Variants in AKR1C3 observed in about 807,000 individuals in gnomAD.
AKR1C3 encodes 3-alpha hydroxysteroid dehydrogenase, type II.
In AKR1C3, 48 loss-of-function variants were observed where a neutral mutation model predicts 43.6. The ratio of observed to expected loss-of-function variants is 1.10; its 90% CI spans 0.87 to 1.40. AKR1C3 has a LOEUF of 1.40. Among genes scored for constraint, AKR1C3 ranks in the 40% most tolerant of loss-of-function variants. The pLI, the probability that AKR1C3 is intolerant of heterozygous loss-of-function variation, is 0.00. For synonymous variants in AKR1C3, 162 were observed against 139.6 expected (o/e 1.16, Z -1.13); for missense variants, 482 against 391.2 (o/e 1.23, Z -1.96).
At chr10:5,076,516 A>G (rs1838717695) in intron 1 of AKR1C3, among the ~76,000 whole-genome samples, 1 of 152,140 alleles carries the variant, frequency 6.6e-6, no homozygotes, top group Admixed American at 6.5e-5. Context: ...CTAAGACACT[A>G]CTTTATAAAA....
At chr10:5,103,652 C>G (rs1312489002) in intron 7 of AKR1C3, among the ~76,000 whole-genome samples, 2 of 152,190 alleles carry the variant, frequency 1.3e-5, no homozygotes, top group African/African-American at 4.8e-5. Context: ...CCAGCCCAGA[C>G]TTCACCTCAG....
intron 1 of AKR1C3, among the ~76,000 whole-genome samples, chr10:5,068,509 CAAA>C (rs74260861): frequency 1.7e-5 from 1 of 59,496 alleles, no homozygotes; most frequent in Non-Finnish European, 3.3e-5. Context: ...AACCTTTTAC[CAAA>C]AAAAAAAAAA....
Position 5,097,499 on chromosome 10 carries a change from T to C in AKR1C3, c.318T>C (p.Ala106=), listed in dbSNP as rs1176923035. 7 of 1,613,722 alleles carry C rather than the reference T, an allele frequency of 4.3e-6. No individual in the cohort carries two copies. Among genetic ancestry groups the C allele is most frequent in the African/African-American group, 1.3e-5 (1 of 74,890 alleles). The change falls in exon 3 of 9, where the codon GCT becomes GCC. Residue 106 remains alanine, a synonymous_variant. Transcript: ENST00000380554. ...CCTTGGAAAACTCACTGAAGAAAGC[T>C]CAATTGGACTATGTTGACCTCTATC... ...RPALENSLKK[A]QLDYVDLYLI...
chr10:5,073,806 C>T (rs1421887418), intron 1 of AKR1C3, among the ~76,000 whole-genome samples: 1 of 152,168 alleles, frequency 6.6e-6, no homozygotes, highest in Non-Finnish European at 1.5e-5. Flanking sequence ...TCCTTGACCT[C>T]ACCCTGTTCT....
At chr10:5,061,300 C>G (rs7074522) in intron 1 of AKR1C3, among the ~76,000 whole-genome samples, 39,253 of 152,066 alleles carry the variant, frequency 0.26, 5,154 homozygotes, top group East Asian at 0.41. Context: ...AGGTATATAT[C>G]AGTGCATCTT....
intron 1 of AKR1C3, 28 bp from the exon 2 acceptor site, chr10:5,096,382 C>A: frequency 6.2e-7 from 1 of 1,606,754 alleles, no homozygotes; most frequent in Non-Finnish European, 8.5e-7. Flanking sequence ...CAGTGATCAC[C>A]AGATACTACC....
At chr10:5,049,719 C>T (rs1301257585) in intron 1 of AKR1C3, among the ~76,000 whole-genome samples, 2 of 152,246 alleles carry the variant, frequency 1.3e-5, no homozygotes, top group African/African-American at 4.8e-5. Flanking sequence ...TCTCACTTTT[C>T]TCTCTATCAG....
intron 1 of AKR1C3, among the ~76,000 whole-genome samples, chr10:5,081,417 T>C (rs1052762863): frequency 4.6e-5 from 7 of 152,324 alleles, no homozygotes; most frequent in East Asian, 3.9e-4. Flanking sequence ...AATGCTTGCA[T>C]TGACCAAAAA....
intron 1 of AKR1C3, among the ~76,000 whole-genome samples, chr10:5,095,026 A>G: frequency 6.6e-6 from 1 of 152,098 alleles, no homozygotes; most frequent in Admixed American, 6.6e-5. Context: ...CCTGGACTAG[A>G]GTTTCCACTG....
chr10:5,099,235 T>C (rs1839289145), intron 4 of AKR1C3, 92 bp from the exon 5 acceptor site: 1 of 1,578,722 alleles, frequency 6.3e-7, no homozygotes, highest in Non-Finnish European at 8.6e-7. Flanking sequence ...TTGTCATACT[T>C]TGAAAGTTGT....
intron 1 of AKR1C3, among the ~76,000 whole-genome samples, chr10:5,061,396 C>T (rs1310832684): frequency 6.6e-6 from 1 of 152,102 alleles, no homozygotes; most frequent in Non-Finnish European, 1.5e-5. Context: ...CCATGGGCTT[C>T]CTCCAGCAGT....
intron 1 of AKR1C3, among the ~76,000 whole-genome samples, chr10:5,064,502 C>A (rs1838453880): frequency 6.6e-6 from 1 of 152,110 alleles, no homozygotes; most frequent in African/African-American, 2.4e-5. Context: ...ACACCAAAAG[C>A]AATTGCAAGA....
intron 1 of AKR1C3, among the ~76,000 whole-genome samples, chr10:5,079,445 A>C (rs535992487): frequency 6.6e-6 from 1 of 152,194 alleles, no homozygotes; most frequent in Non-Finnish European, 1.5e-5. Flanking sequence ...GAGGAAATAC[A>C]CGTTAGTGAA....
chr10:5,063,791 G>GAAAAAAAAAAAAAAAAAAAAAAAA (rs1554780518), intron 1 of AKR1C3, among the ~76,000 whole-genome samples: 223 of 72,688 alleles, frequency 3.1e-3, no homozygotes, highest in Middle Eastern at 6.0e-3. Context: ...AAAAAAAAAG[G>GAAAAAAAAAAAAAAAAAAAAAAAA]AAAATGGCAC....
intron 1 of AKR1C3, among the ~76,000 whole-genome samples, chr10:5,057,276 C>T (rs920078978): frequency 1.3e-5 from 2 of 152,208 alleles, no homozygotes; most frequent in Admixed American, 6.5e-5. Context: ...TCTGTCCTCT[C>T]TGAACCACCA....
chr10:5,086,928 G>A (rs1400397658), intron 1 of AKR1C3, among the ~76,000 whole-genome samples: 1 of 151,980 alleles, frequency 6.6e-6, no homozygotes, highest in East Asian at 1.9e-4. Context: ...CCATTTGCTT[G>A]ATAGATCTTC....
chr10:5,080,864 CAA>C (rs1360758741), intron 1 of AKR1C3: 1 of 152,150 alleles, frequency 6.6e-6, no homozygotes, highest in Non-Finnish European at 1.5e-5. Context: ...TTGCCACTGA[CAA>C]AGAGTTGAAT....
intron 1 of AKR1C3, among the ~76,000 whole-genome samples, chr10:5,068,836 C>T (rs1209761081): frequency 6.6e-6 from 1 of 152,190 alleles, no homozygotes; most frequent in African/African-American, 2.4e-5. Flanking sequence ...GTGGGCTGTC[C>T]TCAGGCCTTA....
At chr10:5,067,601 GC>G (rs57821607) in intron 1 of AKR1C3, among the ~76,000 whole-genome samples, 11,827 of 152,194 alleles carry the variant, frequency 0.078, 662 homozygotes, top group Admixed American at 0.18. Flanking sequence ...GCATGGGAAA[GC>G]TTTTATACAA....
Sources: gnomAD v4.1 joint callset for allele counts (sites outside exome capture counted in the v4.1 genomes callset) on GRCh38, gnomAD v4.1.1 for gene constraint, MANE v1.5 for transcripts, NCBI Gene and HGNC (gene_info 2026-07-23, HGNC 2026-07-21) for gene names.